The following RANBP17 variants were observed in gnomAD, a reference collection of about 807,000 sequenced individuals.
RANBP17 encodes RAN binding protein 17.
RANBP17 carries 158 observed loss-of-function variants against 141.2 expected under a neutral mutation model. That is an observed-to-expected ratio of 1.12 (90% confidence interval 0.98 to 1.28). The LOEUF is 1.28. RANBP17 is among the 50% of genes most tolerant of loss of function. The probability of loss-of-function intolerance (pLI) is 0.00; values close to 1 mark genes in which losing one functional copy is unlikely to be tolerated. For missense variants in RANBP17, 1,438 were observed against 1,290.7 expected, an observed-to-expected ratio of 1.11 and a Z score of -1.75; for synonymous variants, 430 against 450.0, an observed-to-expected ratio of 0.96 and a Z score of 0.56.
chr5:171,045,652 A>G (rs1782534857), intron 14 of RANBP17, among the ~76,000 whole-genome samples: 2 of 152,190 alleles, frequency 1.3e-5, no homozygotes, highest in South Asian at 4.1e-4. Context: ...GAAAAGCAAA[A>G]TAGCCTCTAA....
rs1269138332 is a variant in RANBP17 at position 171,062,173 on chromosome 5, T to C, written c.1710+93796T>C. Reference sequence around the variant, plus strand: ...AGTCCATTTACATTTAAAGTTAATATTGTTATGTGTGAATTTGATCCTGTC... The same window carrying C: ...AGTCCATTTACATTTAAAGTTAATACTGTTATGTGTGAATTTGATCCTGTC... On this transcript the variant is annotated intron_variant, in intron 14 of 27. Transcript: ENST00000523189. Among the ~76,000 whole-genome samples the C allele has an allele frequency of 2.0e-5, 3 of 151,966 alleles. No individual in the cohort carries two copies. In the East Asian group the frequency reaches 5.8e-4, roughly 29 times the overall value.
chr5:171,109,921 G>T (rs1466277778), intron 14 of RANBP17, among the ~76,000 whole-genome samples: 1 of 152,158 alleles, frequency 6.6e-6, no homozygotes, highest in East Asian at 1.9e-4. Context: ...TTAATAACTT[G>T]GGAAACTGTT....
chr5:171,134,367 C>G (rs901916533), intron 14 of RANBP17, among the ~76,000 whole-genome samples: 1 of 152,194 alleles, frequency 6.6e-6, no homozygotes, highest in African/African-American at 2.4e-5. Flanking sequence ...GATCAAATAT[C>G]TATCCTGTAC....
At position 171,147,541 on chromosome 5, in the gene RANBP17, G is replaced by A. The variant is rs533829865; in HGVS notation, c.1711-22589G>A. ...AGCAATTCTCCTGCCTCAGCCTTCC[G>A]AGTAGCTGGGATTACAGGCACCCGC... On this transcript the variant is annotated intron_variant, in intron 14 of 27. Transcript: ENST00000523189. 1.3e-4 allele frequency among the ~76,000 whole-genome samples: 19 copies of A among 151,402 alleles called. No individual in the cohort carries two copies. The East Asian group carries it at 2.5e-3, about 20-fold the overall frequency.
At chr5:171,140,875 A>G (rs1303610071) in intron 14 of RANBP17, among the ~76,000 whole-genome samples, 7 of 152,356 alleles carry the variant, frequency 4.6e-5, no homozygotes, top group Non-Finnish European at 8.8e-5. Flanking sequence ...GAAGACATGA[A>G]AAGCTATTCC....
intron 14 of RANBP17, among the ~76,000 whole-genome samples, chr5:170,969,083 A>G (rs959005979): frequency 3.3e-5 from 5 of 151,964 alleles, no homozygotes; most frequent in Non-Finnish European, 7.4e-5. Flanking sequence ...ATTCTAAAAT[A>G]AACTTTTTAT....
chr5:171,213,726 T>A lies in RANBP17; in HGVS notation c.2327T>A (p.Leu776His). 1 of 1,611,894 alleles carries A rather than the reference T, an allele frequency of 6.2e-7. No homozygotes were observed. The highest frequency in any genetic ancestry group is 8.5e-7 in the Non-Finnish European group (1 of 1,178,092). ...CCCATCTTGAAACTTATGGCAGAACTTATGCAAAACAGGTAAGCAGTGTGA... is the reference window on the plus strand; with the variant it reads ...CCCATCTTGAAACTTATGGCAGAACATATGCAAAACAGGTAAGCAGTGTGA... Reference protein sequence around the residue: ...TTPILKLMAELMQNRSQRLNF... With the variant: ...TTPILKLMAEHMQNRSQRLNF... Residue 776 changes from leucine (L) to histidine (H), a missense_variant, in exon 21 of 28, where the codon CTT (leucine) becomes CAT (histidine). By Grantham distance (99) the Leu-to-His change is moderately conservative (BLOSUM62 -3). Coordinates refer to ENST00000523189, the MANE Select transcript of RANBP17 (RefSeq NM_022897.5).
Position 170,892,498 on chromosome 5 carries a change from A to C in RANBP17, c.368A>C (p.Gln123Pro), listed in dbSNP as rs1296879418. Reference protein sequence around the residue: ...KITKLGWFEVQKDQFVFREII... With the variant: ...KITKLGWFEVPKDQFVFREII... ...ACTAAGTTGGGGTGGTTTGAGGTTC[A>C]GAAAGACCAATTTGTCTTCAGAGAA... The change falls in exon 4 of 28, where the codon CAG becomes CCG. Residue 123 changes from glutamine (Q) to proline (P), a missense_variant. By Grantham distance (76) the Gln-to-Pro change is moderately conservative. Transcript: ENST00000523189. The C allele has an allele frequency of 1.2e-6, 2 of 1,613,930 alleles. No individual in the cohort carries two copies. Among genetic ancestry groups the C allele is most frequent in the African/African-American group, 2.7e-5 (2 of 74,916 alleles).
At chr5:171,024,683 T>C (rs1429805140) in intron 14 of RANBP17, among the ~76,000 whole-genome samples, 2 of 152,214 alleles carry the variant, frequency 1.3e-5, no homozygotes, top group African/African-American at 4.8e-5. Context: ...TTTGTTTTAT[T>C]TTCTAATCTC....
chr5:170,941,932 G>A (rs1387439552), intron 12 of RANBP17, among the ~76,000 whole-genome samples: 1 of 152,162 alleles, frequency 6.6e-6, no homozygotes, highest in Non-Finnish European at 1.5e-5. Flanking sequence ...TAGAACAGGG[G>A]TCCCCAAACC....
chr5:171,135,954 G>A (rs1467990950), intron 14 of RANBP17, among the ~76,000 whole-genome samples: 2 of 152,084 alleles, frequency 1.3e-5, no homozygotes, highest in Non-Finnish European at 2.9e-5. Flanking sequence ...AAGAATACTG[G>A]GTGATAAATC....
At chr5:171,226,199 C>T (rs989885997) in intron 22 of RANBP17, among the ~76,000 whole-genome samples, 2 of 152,090 alleles carry the variant, frequency 1.3e-5, no homozygotes, top group Non-Finnish European at 2.9e-5. Context: ...CTTTGGAAAC[C>T]TACTTCTCAG....
chr5:170,872,826 G>T (rs1193198942), intron 1 of RANBP17, among the ~76,000 whole-genome samples: 4 of 152,162 alleles, frequency 2.6e-5, no homozygotes, highest in Admixed American at 6.5e-5. Flanking sequence ...TTATGTGATG[G>T]ATTATGTTTA....
At chr5:170,882,759 T>C (rs532142139) in intron 3 of RANBP17, among the ~76,000 whole-genome samples, 5 of 152,314 alleles carry the variant, frequency 3.3e-5, no homozygotes, top group African/African-American at 1.2e-4. Context: ...GGATAAACAG[T>C]CTTGGAACTT....
chr5:170,910,950 G>T lies in RANBP17; in HGVS notation c.595-19G>T. Reference sequence around the variant, plus strand: ...TGATGTATTTCGCAGTGTTTTCTTTGATTTTGTACTTTTTTCAGGTGTTTG... The same window carrying T: ...TGATGTATTTCGCAGTGTTTTCTTTTATTTTGTACTTTTTTCAGGTGTTTG... On this transcript the variant is annotated intron_variant, in intron 6 of 27. Transcript: ENST00000523189. 1.9e-6 allele frequency: 3 copies of T among 1,605,590 alleles called. No homozygotes were observed. In the South Asian group the frequency reaches 3.3e-5, roughly 18 times the overall value.
intron 5 of RANBP17, among the ~76,000 whole-genome samples, chr5:170,907,304 A>G (rs963284154): frequency 3.1e-5 from 3 of 98,000 alleles, no homozygotes; most frequent in African/African-American, 2.8e-5. Context: ...TGGATGTGCA[A>G]TCCTTCGTCT....
chr5:171,015,257 C>A (rs1277455449), intron 14 of RANBP17, among the ~76,000 whole-genome samples: 1 of 151,852 alleles, frequency 6.6e-6, no homozygotes. Context: ...TCTGTTCCTC[C>A]CCCTTCACTT....
At chr5:170,988,373 A>ATT (rs35069928) in intron 14 of RANBP17, among the ~76,000 whole-genome samples, 87,434 of 146,650 alleles carry the variant, frequency 0.6, 27,479 homozygotes, top group South Asian at 0.87. Context: ...TTAGTGTTTG[A>ATT]TTTTTTTTTT....
chr5:171,292,256 C>T (rs1469438), intron 25 of RANBP17, among the ~76,000 whole-genome samples: 89,283 of 152,130 alleles, frequency 0.59, 27,360 homozygotes, highest in South Asian at 0.78. Context: ...ATTTCATTTG[C>T]AACCAGCCTA....
Sources: allele counts gnomAD v4.1 joint callset (sites outside exome capture counted in the v4.1 genomes callset), GRCh38; gene constraint gnomAD v4.1.1; transcripts MANE v1.5; gene names NCBI Gene and HGNC (gene_info 2026-07-23, HGNC 2026-07-21).